The following FOXN2 variants were observed in gnomAD, a reference collection of about 807,000 sequenced individuals.
FOXN2 encodes the protein forkhead box N2, also known as forkhead box protein N2.
In FOXN2, 19 loss-of-function variants were observed where a neutral mutation model predicts 41.2. The observed-to-expected ratio is 0.46, with a 90% CI of 0.32 to 0.68. The LOEUF (loss-of-function observed/expected upper bound fraction) is 0.68. Ranked by LOEUF, FOXN2 falls within the 30% of genes least tolerant of loss-of-function variation. FOXN2 has a pLI of 0.03. For synonymous variants in FOXN2, 195 were observed against 176.8 expected (o/e 1.10, Z -0.82); for missense variants, 587 against 509.4 (o/e 1.15, Z -1.47).
chr2:48,352,975 C>A (rs1318266137), intron 3 of FOXN2, among the ~76,000 whole-genome samples: 1 of 152,016 alleles, frequency 6.6e-6, no homozygotes, highest in Non-Finnish European at 1.5e-5. Flanking sequence ...TAGTTCAGGT[C>A]TTCCCCTCAT....
chr2:48,369,711 T>A (rs1009327278), intron 5 of FOXN2, among the ~76,000 whole-genome samples: 2 of 151,508 alleles, frequency 1.3e-5, no homozygotes, highest in Admixed American at 1.3e-4. Flanking sequence ...AGGTAGATCC[T>A]TTTTATTAAA....
At chr2:48,337,140 C>T (rs1482566030) in intron 2 of FOXN2, among the ~76,000 whole-genome samples, 1 of 151,812 alleles carries the variant, frequency 6.6e-6, no homozygotes, top group African/African-American at 2.4e-5. Flanking sequence ...AGTAACTATC[C>T]TTCTACTCTT....
chr2:48,321,887 A>G (rs781178666), intron 1 of FOXN2, among the ~76,000 whole-genome samples: 1 of 152,224 alleles, frequency 6.6e-6, no homozygotes, highest in African/African-American at 2.4e-5. Context: ...AGTGAGAACT[A>G]CAGGTCTAGT....
rs753040062 is a variant in FOXN2 at position 48,374,896 on chromosome 2, T to G, written c.773-24T>G. The G allele has an allele frequency of 5.7e-6, 9 of 1,573,960 alleles. No individual in the cohort carries two copies. In the African/African-American group the frequency reaches 1.1e-4, roughly 19 times the overall value. ...TTGCAACCAAACACATTTGACCTAT[T>G]GATGGAACTTTTATTTTCCACAGGT... is the stretch of plus-strand genomic sequence containing the variant. On this transcript the variant is annotated intron_variant, in intron 6 of 6. Transcript: ENST00000340553.
chr2:48,369,515 A>G (rs987702770), intron 5 of FOXN2, among the ~76,000 whole-genome samples: 1 of 152,102 alleles, frequency 6.6e-6, no homozygotes, highest in Admixed American at 6.6e-5. Flanking sequence ...TCCAGCCTGG[A>G]CGACAAGAGT....
At chr2:48,325,975 A>G (rs1192669318) in intron 1 of FOXN2, among the ~76,000 whole-genome samples, 1 of 151,594 alleles carries the variant, frequency 6.6e-6, no homozygotes, top group Admixed American at 6.6e-5. Context: ...CAGCCTCCCA[A>G]CTAGCTGGGG....
intron 5 of FOXN2, 129 bp from the exon 6 acceptor site, chr2:48,373,163 A>G: frequency 3.3e-6 from 2 of 612,494 alleles, no homozygotes; most frequent in South Asian, 2.1e-5. Context: ...TTTTTGTTTG[A>G]TGTGCGTTTA....
At chr2:48,356,267 C>G (rs1671787361) in intron 3 of FOXN2, among the ~76,000 whole-genome samples, 1 of 152,102 alleles carries the variant, frequency 6.6e-6, no homozygotes, top group Non-Finnish European at 1.5e-5. Context: ...ATGGTGGAAC[C>G]CTGTCTCTAC....
At position 48,346,690 on chromosome 2, in the gene FOXN2, C is replaced by T; in HGVS notation, c.476C>T (p.Ser159Phe). Residue 159 changes from serine (S) to phenylalanine (F), a missense_variant, in exon 3 of 7, where the codon TCT becomes TTT. Transcript: ENST00000340553. Reference protein sequence around the residue: ...FATAPTGWKNSVRHNLSLNKC... With the variant: ...FATAPTGWKNFVRHNLSLNKC... ...ACTGCACCAACAGGCTGGAAGAATT[C>T]TGTTCGACATAATCTGTCCCTGAAT... The T allele has an allele frequency of 6.2e-7, 1 of 1,612,292 alleles. No homozygotes were observed.
chr2:48,375,496 C>T lies in FOXN2; in HGVS notation c.*53C>T. 1 of 1,472,622 alleles carries T rather than the reference C, an allele frequency of 6.8e-7. No individual in the cohort carries two copies. The highest frequency in any genetic ancestry group is 9.1e-7 in the Non-Finnish European group (1 of 1,097,540). 91.2% of individuals were successfully genotyped at this position (1,472,622 alleles called of 1,614,324 possible). ...TCACTTAATTCTTTACAAGGGATAT[C>T]AAAGCCATAATGGACTTCATTAGTT... On this transcript the variant is annotated 3_prime_UTR_variant, in exon 7 of 7. Coordinates refer to ENST00000340553, the MANE Select transcript of FOXN2 (RefSeq NM_002158.4).
At chr2:48,359,799 A>G (rs1160382723) in intron 4 of FOXN2, among the ~76,000 whole-genome samples, 2 of 152,168 alleles carry the variant, frequency 1.3e-5, no homozygotes, top group African/African-American at 4.8e-5. Context: ...TTCAGTTACA[A>G]ACAGGTCAGA....
chr2:48,362,495 G>C, intron 4 of FOXN2, 148 bp from the exon 5 acceptor site: 1 of 655,948 alleles, frequency 1.5e-6, no homozygotes, highest in East Asian at 2.8e-5. Context: ...CCTGAGCTCA[G>C]AAAGTCAAGG....
intron 1 of FOXN2, among the ~76,000 whole-genome samples, chr2:48,327,631 G>C (rs928170772): frequency 2.6e-5 from 4 of 152,102 alleles, no homozygotes; most frequent in Non-Finnish European, 5.9e-5. Context: ...TTTTAGTAGA[G>C]ACGGTGTTTC....
chr2:48,337,028 G>C (rs1018552759), intron 2 of FOXN2, among the ~76,000 whole-genome samples: 55 of 150,564 alleles, frequency 3.7e-4, no homozygotes, highest in African/African-American at 1.2e-3. Context: ...TCACCCTATT[G>C]TGCTATCAAA....
At position 48,369,434 on chromosome 2, in the gene FOXN2, A is replaced by C. The variant is rs147045869; in HGVS notation, c.704-3858A>C. ...GTGCCTGTAATCCCAGCTACTCAGG[A>C]GGCTGAGGCAGTAGAATCACTTGAA... On this transcript the variant is annotated intron_variant, in intron 5 of 6. Transcript: ENST00000340553. 3.4e-3 allele frequency among the ~76,000 whole-genome samples: 524 copies of C among 152,306 alleles called. 22 individuals carry two copies. The East Asian group carries it at 0.085, about 25-fold the overall frequency.
intron 1 of FOXN2, among the ~76,000 whole-genome samples, chr2:48,319,317 A>G (rs1289866040): frequency 6.6e-6 from 1 of 152,142 alleles, no homozygotes; most frequent in Admixed American, 6.5e-5. Context: ...CAAAGTGATA[A>G]TAAACGTTTT....
intron 1 of FOXN2, among the ~76,000 whole-genome samples, chr2:48,318,919 A>C (rs1186833831): frequency 1.3e-5 from 2 of 152,246 alleles, no homozygotes; most frequent in Non-Finnish European, 2.9e-5. Flanking sequence ...ATATGTTATT[A>C]GCATAAAGTT....
In FOXN2 at chr2:48,375,402, A is replaced by C; in HGVS notation, c.1255A>C (p.Ser419Arg). 1 of 1,611,572 alleles carries C rather than the reference A, an allele frequency of 6.2e-7. No homozygotes were observed. The highest frequency in any genetic ancestry group is 8.5e-7 in the Non-Finnish European group (1 of 1,178,742). ...TCGTACATGTTTAGGTTCCCTAATA[A>C]GTACTGCAAAGACACAAAATCAAAA... ...GIRTCLGSLI[S>R]TAKTQNQKQR... is the part of the protein sequence containing the mutation. Residue 419 changes from serine (S) to arginine (R), a missense_variant, in exon 7 of 7, where the codon AGT becomes CGT. By Grantham distance (110) the Ser-to-Arg change is moderately radical. Transcript: ENST00000340553.
At position 48,319,192 on chromosome 2, in the gene FOXN2, G is replaced by A. The variant is rs187976740; in HGVS notation, c.-157+4378G>A. Among the ~76,000 whole-genome samples, 11 of 150,846 alleles carry A rather than the reference G, an allele frequency of 7.3e-5. 1 individual carries two copies. The highest frequency in any genetic ancestry group is 1.2e-4 in the Non-Finnish European group (8 of 67,780). ...TGAGAAGTGCTTTGAAAGGTGTGTTGGAGAAAATACATGGGGAAAATAACA... is the reference window on the plus strand; with the variant it reads ...TGAGAAGTGCTTTGAAAGGTGTGTTAGAGAAAATACATGGGGAAAATAACA... On this transcript the variant is annotated intron_variant, in intron 1 of 6. Coordinates refer to ENST00000340553, the MANE Select transcript of FOXN2 (RefSeq NM_002158.4).
Sources: allele counts gnomAD v4.1 joint callset (sites outside exome capture counted in the v4.1 genomes callset), GRCh38; gene constraint gnomAD v4.1.1; transcripts MANE v1.5; gene names NCBI Gene and HGNC (gene_info 2026-07-23, HGNC 2026-07-21).